The following SGCB variants were observed in gnomAD, a reference collection of about 807,000 sequenced individuals.
SGCB encodes the protein sarcoglycan beta, also known as beta-sarcoglycan.
SGCB carries 25 observed loss-of-function variants against 27.3 expected under a neutral mutation model. The observed-to-expected ratio is 0.92, with a 90% CI of 0.67 to 1.28. SGCB has a LOEUF of 1.28. Among genes scored for constraint, SGCB ranks in the 50% most tolerant of loss-of-function variants. The pLI is 0.00. For missense variants in SGCB, 436 were observed against 402.1 expected (o/e 1.08, Z -0.72); for synonymous variants, 147 against 133.5 (o/e 1.10, Z -0.70).
intron 1 of SGCB, among the ~76,000 whole-genome samples, chr4:52,036,483 T>C (rs754113911): frequency 6.6e-6 from 1 of 152,190 alleles, no homozygotes; most frequent in Non-Finnish European, 1.5e-5. Flanking sequence ...ATAGGTTTCC[T>C]ATACAATCAG....
intron 1 of SGCB, 96 bp downstream of exon 1, chr4:52,038,131 C>A: frequency 1.8e-6 from 2 of 1,092,850 alleles, no homozygotes; most frequent in Non-Finnish European, 2.2e-6. Flanking sequence ...GCGGCCCGCG[C>A]CCCCCGCACC....
intron 1 of SGCB, among the ~76,000 whole-genome samples, chr4:52,033,896 A>C (rs796955728): frequency 8.5e-5 from 13 of 152,306 alleles, no homozygotes; most frequent in African/African-American, 3.1e-4. Context: ...GTCAAAGTAT[A>C]CAGCTTGTTT....
At chr4:52,035,242 A>C (rs890723393) in intron 1 of SGCB, among the ~76,000 whole-genome samples, 2 of 152,268 alleles carry the variant, frequency 1.3e-5, no homozygotes, top group African/African-American at 4.8e-5. Flanking sequence ...AGATAGGAAT[A>C]CAAAAGAACT....
intron 1 of SGCB, among the ~76,000 whole-genome samples, chr4:52,033,956 A>G (rs1737317463): frequency 6.6e-6 from 1 of 152,110 alleles, no homozygotes; most frequent in Admixed American, 6.5e-5. Flanking sequence ...GCTTTTATTA[A>G]TAATTTATTA....
At chr4:52,024,196 C>T in intron 5 of SGCB, 36 bp from the exon 6 acceptor site, 1 of 1,513,204 alleles carries the variant, frequency 6.6e-7, no homozygotes, top group Non-Finnish European at 9.2e-7. Flanking sequence ...TATTTACCTC[C>T]ATGAGGGGGT....
At chr4:52,035,257 G>A (rs1737357625) in intron 1 of SGCB, among the ~76,000 whole-genome samples, 2 of 152,194 alleles carry the variant, frequency 1.3e-5, no homozygotes, top group South Asian at 4.1e-4. Flanking sequence ...AGAACTATAG[G>A]AAAGGGTCCT....
chr4:52,028,586 A>G (rs1429180151), intron 4 of SGCB, 144 bp downstream of exon 4: 5 of 621,358 alleles, frequency 8.0e-6, no homozygotes, highest in Middle Eastern at 4.4e-4. Context: ...CAGTGAGTCG[A>G]GATCGCGCCA....
chr4:52,034,033 G>A (rs1737319001), intron 1 of SGCB, among the ~76,000 whole-genome samples: 1 of 151,786 alleles, frequency 6.6e-6, no homozygotes, highest in Non-Finnish European at 1.5e-5. Flanking sequence ...TAACCACTGT[G>A]GATCAAAAAT....
intron 3 of SGCB, among the ~76,000 whole-genome samples, chr4:52,029,159 T>G (rs142561125): frequency 2.0e-5 from 3 of 152,336 alleles, no homozygotes; most frequent in African/African-American, 7.2e-5. Context: ...GCATGAGTCA[T>G]GGAGGAACAT....
chr4:52,021,917 T>A lies in SGCB; in HGVS notation c.*2040A>T, dbSNP rs1345090156. The A allele has an allele frequency of 6.6e-6, 1 of 152,194 alleles. No homozygotes were observed. The highest frequency in any genetic ancestry group is 1.5e-5 in the Non-Finnish European group (1 of 68,042). The allele number at this position is 152,194 out of a possible 1,614,324, so 9.4% of individuals were successfully genotyped here. A position where few individuals can be genotyped will look rare whatever the true frequency, so the allele number is the denominator to read the frequency against. Reference sequence around the variant, plus strand: ...TTTCCCAAAAAAGAGTAAAAATAGATTATTTCCTGAACTACATTTAATAAA... The same window carrying A: ...TTTCCCAAAAAAGAGTAAAAATAGAATATTTCCTGAACTACATTTAATAAA... On this transcript the variant is annotated 3_prime_UTR_variant, in exon 6 of 6. Transcript: ENST00000381431.
chr4:52,033,044 GAA>G (rs1325574253), intron 2 of SGCB, among the ~76,000 whole-genome samples: 2 of 152,152 alleles, frequency 1.3e-5, no homozygotes, highest in Admixed American at 6.5e-5. Flanking sequence ...TTAAATGTAG[GAA>G]AAGTTAAATG....
chr4:52,026,434 T>A (rs1578124374), intron 5 of SGCB, among the ~76,000 whole-genome samples: 1 of 151,930 alleles, frequency 6.6e-6, no homozygotes, highest in African/African-American at 2.4e-5. Flanking sequence ...AATTTTTGTA[T>A]TTTTAGTAGA....
chr4:52,037,854 GC>G (rs1293707090), intron 1 of SGCB, among the ~76,000 whole-genome samples: 1 of 152,180 alleles, frequency 6.6e-6, no homozygotes, highest in Admixed American at 6.5e-5. Flanking sequence ...TCTCGCTGGG[GC>G]TGCGGTTATT....
rs752492870 is a variant in SGCB, at chr4:52,038,229, G to A, written c.31C>T (p.Gln11Ter). MAAAAAAAAE[Q>*]QSSNGPVKKS... The stretch of plus-strand genomic sequence containing the variant: ...CGGCCGCGGCGGTACTCACAGACCT[G>A]TTCTGCAGCCGCCGCCGCCGCTGCC... The change falls in exon 1 of 6, where the codon CAG (glutamine) becomes TAG (stop). Residue 11 changes from glutamine to a stop codon, truncating the protein, a stop_gained and splice_region_variant. Coordinates refer to ENST00000381431, the MANE Select transcript of SGCB (RefSeq NM_000232.5). LOFTEE classifies it high-confidence loss of function. 40 of 1,282,812 alleles carry A rather than the reference G, an allele frequency of 3.1e-5. No homozygotes were observed. Among genetic ancestry groups the A allele is most frequent in the Non-Finnish European group, 3.7e-5 (37 of 1,011,728 alleles). The allele number at this position is 1,282,812 out of a possible 1,614,324, so 79.5% of individuals were successfully genotyped here.
Position 52,033,684 on chromosome 4 carries a change from T to C in SGCB, c.34-44A>G, listed in dbSNP as rs1278209766. On this transcript the variant is annotated intron_variant, in intron 1 of 5. Coordinates refer to ENST00000381431, the MANE Select transcript of SGCB (RefSeq NM_000232.5). ...ATAATGGAACAGCTATACCCTCTCG[T>C]TTTGGTGCATTTATCTATTAGGTGC... is the stretch of plus-strand genomic sequence containing the variant. 5 of 1,444,132 alleles carry C rather than the reference T, an allele frequency of 3.5e-6. No individual in the cohort carries two copies. The Admixed American group carries it at 8.4e-5, about 24-fold the overall frequency. The allele number at this position is 1,444,132 out of a possible 1,614,324, so 89.5% of individuals were successfully genotyped here. A position where few individuals can be genotyped will look rare whatever the true frequency, so the allele number is the denominator to read the frequency against.
rs764809117 is a variant in SGCB, at chr4:52,029,681, C to T, written c.426G>A (p.Gln142=). The change falls in exon 3 of 6, where the codon CAG becomes CAA. Residue 142 remains glutamine (Q), a synonymous_variant. Coordinates refer to ENST00000381431, the MANE Select transcript of SGCB (RefSeq NM_000232.5). The stretch of plus-strand genomic sequence containing the variant: ...TTCAGTTAATGTGGCAACTTACAGG[C>T]TGGTTGTTGCCAGTGATGACCAAAT... The part of the protein sequence containing the change: ...NENLVITGNN[Q]PIVFQQGTTK... 1.9e-6 allele frequency: 3 copies of T among 1,610,220 alleles called. No individual in the cohort carries two copies. The highest frequency in any genetic ancestry group is 2.2e-5 in the South Asian group (2 of 91,010).
At chr4:52,034,906 T>C (rs1199621781) in intron 1 of SGCB, among the ~76,000 whole-genome samples, 1 of 152,222 alleles carries the variant, frequency 6.6e-6, no homozygotes, top group African/African-American at 2.4e-5. Flanking sequence ...CAACAGAATG[T>C]ATGCTTGTAT....
chr4:52,032,975 A>G (rs1560568681), intron 2 of SGCB, among the ~76,000 whole-genome samples: 1 of 152,222 alleles, frequency 6.6e-6, no homozygotes, highest in Non-Finnish European at 1.5e-5. Flanking sequence ...ACTATAAAAT[A>G]TAACCTTTTA....
At chr4:52,033,862 C>T (rs1169794391) in intron 1 of SGCB, among the ~76,000 whole-genome samples, 3 of 152,146 alleles carry the variant, frequency 2.0e-5, no homozygotes, top group African/African-American at 7.2e-5. Context: ...GATATTTTTC[C>T]TCTCTGCTTT....
Sources: gnomAD v4.1 joint callset for allele counts (sites outside exome capture counted in the v4.1 genomes callset) on GRCh38, gnomAD v4.1.1 for gene constraint, MANE v1.5 for transcripts, NCBI Gene and HGNC (gene_info 2026-07-23, HGNC 2026-07-21) for gene names.